The following WIF1 variants were observed in gnomAD, a reference collection of about 807,000 sequenced individuals.
WIF1 encodes Wnt inhibitory factor 1.
A neutral mutation model predicts 53.5 loss-of-function variants in WIF1; 35 were observed. The observed-to-expected ratio is 0.65, with a 90% CI of 0.50 to 0.87. The LOEUF is 0.87. Ranked by LOEUF, WIF1 falls within the 40% of genes least tolerant of loss-of-function variation. The pLI, the probability that WIF1 is intolerant of heterozygous loss-of-function variation, is 0.00. For synonymous variants in WIF1, 171 were observed against 170.4 expected (o/e 1.00, Z -0.03); for missense variants, 467 against 476.8 (o/e 0.98, Z 0.19).
intron 2 of WIF1, among the ~76,000 whole-genome samples, chr12:65,093,666 A>T (rs75944542): frequency 2.0e-5 from 3 of 152,190 alleles, no homozygotes; most frequent in Non-Finnish European, 4.4e-5. Context: ...CATTAAAAAA[A>T]TACATACACA....
At position 65,067,723 on chromosome 12, in the gene WIF1, A is replaced by G. The variant is rs759578387; in HGVS notation, c.606T>C (p.Asp202=). ...CNERRICECP[D]GFHGPHCEKA... ...TCTCACAGTGAGGTCCGTGGAACCC[A>G]TCAGGACACTCGCAGATGCGTCTTT... The change falls in exon 5 of 10, where the codon GAT becomes GAC. Residue 202 remains aspartate (D), a synonymous_variant. Transcript: ENST00000286574. The G allele has an allele frequency of 4.3e-6, 7 of 1,613,398 alleles. 1 individual carries two copies. The South Asian group carries it at 6.6e-5, about 15-fold the overall frequency.
intron 2 of WIF1, among the ~76,000 whole-genome samples, chr12:65,099,530 C>T (rs1883250209): frequency 1.3e-5 from 2 of 152,148 alleles, no homozygotes; most frequent in South Asian, 4.1e-4. Flanking sequence ...CTGTTGTATT[C>T]CATAGAGAGC....
intron 2 of WIF1, among the ~76,000 whole-genome samples, chr12:65,086,193 T>C (rs546988707): frequency 1.3e-5 from 2 of 151,828 alleles, no homozygotes; most frequent in Non-Finnish European, 2.9e-5. Context: ...TTAAACCAAA[T>C]TTAGCCCTGT....
chr12:65,110,158 G>T (rs1883408436), intron 2 of WIF1, among the ~76,000 whole-genome samples: 1 of 152,056 alleles, frequency 6.6e-6, no homozygotes, highest in African/African-American at 2.4e-5. Context: ...AAAAGTGTTA[G>T]GGCCTAAATG....
At chr12:65,064,934 T>G (rs1051606952) in intron 6 of WIF1, among the ~76,000 whole-genome samples, 1 of 152,146 alleles carries the variant, frequency 6.6e-6, no homozygotes, top group African/African-American at 2.4e-5. Context: ...CTTTATTTAT[T>G]CATAGTTTTG....
At chr12:65,079,268 T>C (rs1882912490) in intron 2 of WIF1, among the ~76,000 whole-genome samples, 1 of 151,782 alleles carries the variant, frequency 6.6e-6, no homozygotes, top group Non-Finnish European at 1.5e-5. Flanking sequence ...TCAATGACTT[T>C]GATAAAATGA....
Position 65,051,225 on chromosome 12 carries a change from T to C in WIF1, c.*124A>G. 8.1e-7 allele frequency: 1 copy of C among 1,235,872 alleles called. No homozygotes were observed. The highest frequency in any genetic ancestry group is 1.1e-6 in the Non-Finnish European group (1 of 913,300). The allele number at this position is 1,235,872 out of a possible 1,614,324, so 76.6% of individuals were successfully genotyped here. On this transcript the variant is annotated 3_prime_UTR_variant, in exon 10 of 10. Coordinates refer to ENST00000286574, the MANE Select transcript of WIF1 (RefSeq NM_007191.5). ...TAAATATCAGCTCAGTGATTTATAA[T>C]GAAGCTAATAAAATTCAGGCCAGTA...
At chr12:65,108,855 T>C (rs1375987800) in intron 2 of WIF1, among the ~76,000 whole-genome samples, 5 of 152,224 alleles carry the variant, frequency 3.3e-5, no homozygotes, top group African/African-American at 4.8e-5. Flanking sequence ...AAATGCTAAC[T>C]TGTCCCTTCT....
intron 2 of WIF1, among the ~76,000 whole-genome samples, chr12:65,098,170 T>C (rs1232953018): frequency 6.6e-6 from 1 of 152,180 alleles, no homozygotes; most frequent in Non-Finnish European, 1.5e-5. Flanking sequence ...TCAGGCCAAT[T>C]TTTCAAAGTC....
intron 2 of WIF1, among the ~76,000 whole-genome samples, chr12:65,118,704 C>T (rs1300546902): frequency 1.3e-5 from 2 of 152,232 alleles, no homozygotes; most frequent in African/African-American, 4.8e-5. Context: ...GATTGTATGA[C>T]ATGTCAGTCC....
At chr12:65,108,367 C>T (rs1883381251) in intron 2 of WIF1, among the ~76,000 whole-genome samples, 1 of 152,154 alleles carries the variant, frequency 6.6e-6, no homozygotes, top group South Asian at 2.1e-4. Flanking sequence ...TGTTTCCATT[C>T]TCCACTTCAT....
chr12:65,066,670 G>A lies in WIF1; in HGVS notation c.701C>T (p.Pro234Leu). Residue 234 changes from proline to leucine, a missense_variant, in exon 6 of 10, where the codon CCT (proline) becomes CTT (leucine). By Grantham distance (98) the Pro-to-Leu change is moderately conservative. Coordinates refer to ENST00000286574, the MANE Select transcript of WIF1 (RefSeq NM_007191.5). The part of the protein sequence containing the change: ...CVTPGFCICP[P>L]GFYGVNCDKA... ...GTCACAGTTCACTCCATAGAATCCA[G>A]GTGGGCAGATGCAGAAACCAGGAGT... is the stretch of plus-strand genomic sequence containing the variant. 1 of 1,610,760 alleles carries A rather than the reference G, an allele frequency of 6.2e-7. No individual in the cohort carries two copies. Among genetic ancestry groups the A allele is most frequent in the Admixed American group, 1.7e-5 (1 of 59,668 alleles).
intron 2 of WIF1, among the ~76,000 whole-genome samples, chr12:65,100,467 G>A (rs1400581330): frequency 6.6e-6 from 1 of 151,900 alleles, no homozygotes; most frequent in East Asian, 1.9e-4. Flanking sequence ...TTTTAAAAGC[G>A]ACAAAAGCAT....
intron 3 of WIF1, among the ~76,000 whole-genome samples, chr12:65,076,251 G>A (rs369780903): frequency 1.2e-4 from 18 of 151,892 alleles, no homozygotes; most frequent in Admixed American, 8.5e-4. Context: ...TGCCCAGGCC[G>A]GTCTTGAACT....
intron 2 of WIF1, among the ~76,000 whole-genome samples, chr12:65,093,181 C>A (rs1191529447): frequency 6.6e-6 from 1 of 152,088 alleles, no homozygotes; most frequent in African/African-American, 2.4e-5. Flanking sequence ...AGCATCCATC[C>A]AAAGACCTAA....
At chr12:65,070,338 A>G (rs1395928695) in intron 3 of WIF1, among the ~76,000 whole-genome samples, 1 of 152,204 alleles carries the variant, frequency 6.6e-6, no homozygotes, top group African/African-American at 2.4e-5. Flanking sequence ...TAAAAAGAAA[A>G]AACAAAATTG....
intron 3 of WIF1, among the ~76,000 whole-genome samples, chr12:65,073,036 T>C (rs921276696): frequency 2.6e-5 from 4 of 152,206 alleles, no homozygotes; most frequent in African/African-American, 9.6e-5. Flanking sequence ...TCTGATTGCA[T>C]ACTGCTCCCA....
intron 6 of WIF1, among the ~76,000 whole-genome samples, chr12:65,064,406 C>T (rs1189737910): frequency 6.6e-6 from 1 of 152,156 alleles, no homozygotes; most frequent in Non-Finnish European, 1.5e-5. Flanking sequence ...CCCCACTGGC[C>T]AGTGCTAAAC....
chr12:65,067,835 A>T (rs770796121), intron 4 of WIF1, 45 bp from the exon 5 acceptor site: 1 of 1,555,326 alleles, frequency 6.4e-7, no homozygotes, highest in East Asian at 2.3e-5. Context: ...CCTTGAAATC[A>T]TGTTGGGTGA....
Sources: allele counts gnomAD v4.1 joint callset (sites outside exome capture counted in the v4.1 genomes callset), GRCh38; gene constraint gnomAD v4.1.1; transcripts MANE v1.5; gene names NCBI Gene and HGNC (gene_info 2026-07-23, HGNC 2026-07-21).